TENM2: variants seen among roughly 807,000 people sequenced by gnomAD.
The protein encoded by TENM2 is teneurin-2.
TENM2 carries 52 observed loss-of-function variants against 245.2 expected under a neutral mutation model. The observed-to-expected ratio is 0.21, with a 90% CI of 0.17 to 0.27. The LOEUF (loss-of-function observed/expected upper bound fraction) is 0.27, where lower values mean the gene tolerates loss of function less well. TENM2 is among the 10% of genes least tolerant of loss of function. The probability of loss-of-function intolerance (pLI) is 1.00; values close to 1 mark genes in which losing one functional copy is unlikely to be tolerated. For missense variants in TENM2, 3,046 were observed against 3,666.8 expected, an observed-to-expected ratio of 0.83 and a Z score of 4.37; for synonymous variants, 1,363 against 1,438.9, an observed-to-expected ratio of 0.95 and a Z score of 1.19.
chr5:167,531,024 G>A (rs1771460675), intron 2 of TENM2, among the ~76,000 whole-genome samples: 1 of 152,106 alleles, frequency 6.6e-6, no homozygotes, highest in South Asian at 2.1e-4. Context: ...TGCCTAAAGA[G>A]GTTTCACTTA....
At chr5:168,090,493 A>G in intron 7 of TENM2, 81 bp from the exon 10 acceptor site, 4 of 1,303,674 alleles carry the variant, frequency 3.1e-6, no homozygotes, top group Non-Finnish European at 4.2e-6. Flanking sequence ...CCATTAACAA[A>G]TGGGTTCGGG....
At chr5:167,076,324 CATT>C in the TENM2 span, among the ~76,000 whole-genome samples, 1 of 152,050 alleles carries the variant, frequency 6.6e-6, no homozygotes. Flanking sequence ...GTCTGTTTCT[CATT>C]GTTTAAAATA....
At chr5:167,919,638 G>A (rs542811754) in intron 3 of TENM2, among the ~76,000 whole-genome samples, 16 of 152,342 alleles carry the variant, frequency 1.1e-4, no homozygotes, top group African/African-American at 2.6e-4. Context: ...TGAGAGCAGC[G>A]TTGATCTGAA....
the TENM2 span, among the ~76,000 whole-genome samples, chr5:167,265,926 G>A: frequency 6.6e-6 from 1 of 152,178 alleles, no homozygotes; most frequent in Admixed American, 6.5e-5. Flanking sequence ...CATTATGGAA[G>A]CCAAGTGGTC....
intron 1 of TENM2, among the ~76,000 whole-genome samples, chr5:167,368,472 C>T (rs77596093): frequency 0.034 from 5,188 of 152,114 alleles, 173 homozygotes; most frequent in African/African-American, 0.091. Context: ...TTCCTAAGGG[C>T]TTCTCATTAA....
At chr5:168,209,303 G>C (rs1237656509) in intron 19 of TENM2, among the ~76,000 whole-genome samples, 3 of 152,132 alleles carry the variant, frequency 2.0e-5, no homozygotes, top group Non-Finnish European at 2.9e-5. Context: ...TTGAAATGAT[G>C]CTCATTAACC....
At chr5:168,070,011 T>G (rs915799696) in intron 7 of TENM2, among the ~76,000 whole-genome samples, 1 of 152,156 alleles carries the variant, frequency 6.6e-6, no homozygotes, top group East Asian at 1.9e-4. Flanking sequence ...CCTGGGAAAT[T>G]TGATGAAGAT....
chr5:167,861,041 A>T (rs1771748244), intron 2 of TENM2, among the ~76,000 whole-genome samples: 2 of 27,982 alleles, frequency 7.1e-5, no homozygotes, highest in African/African-American at 1.6e-4. Context: ...ATTATCAATA[A>T]AAAAAAAAAT....
At chr5:167,472,421 T>A (rs143599910) in intron 2 of TENM2, among the ~76,000 whole-genome samples, 1 of 152,348 alleles carries the variant, frequency 6.6e-6, no homozygotes, top group East Asian at 1.9e-4. Context: ...GTTTTGACAG[T>A]GGCTAGAACA....
At chr5:167,418,068 G>A (rs141126352) in intron 2 of TENM2, among the ~76,000 whole-genome samples, 4 of 152,246 alleles carry the variant, frequency 2.6e-5, no homozygotes, top group East Asian at 3.9e-4. Flanking sequence ...GGTGGCTCAC[G>A]CCTGTAATCC....
At chr5:168,225,925 G>C (rs978853841) in intron 23 of TENM2, among the ~76,000 whole-genome samples, 163 bp from the exon 26 acceptor site, 1 of 152,028 alleles carries the variant, frequency 6.6e-6, no homozygotes, top group African/African-American at 2.4e-5. Flanking sequence ...CTGTTTCTCC[G>C]GGCATAATAG....
intron 27 of TENM2, among the ~76,000 whole-genome samples, chr5:168,255,023 G>A (rs1465967044): frequency 6.6e-6 from 1 of 151,624 alleles, no homozygotes; most frequent in East Asian, 1.9e-4. Context: ...CTCCAGCCTG[G>A]GTGACAGAGC....
chr5:167,038,996 A>G, the TENM2 span, among the ~76,000 whole-genome samples: 2 of 152,330 alleles, frequency 1.3e-5, no homozygotes, highest in East Asian at 1.9e-4. Context: ...AGGAACAGAT[A>G]TAGGGGCAAG....
chr5:167,830,132 T>C (rs1768339159), intron 2 of TENM2, among the ~76,000 whole-genome samples: 1 of 152,206 alleles, frequency 6.6e-6, no homozygotes, highest in South Asian at 2.1e-4. Flanking sequence ...ATACTTTCAA[T>C]TTAAGAATGT....
intron 2 of TENM2, among the ~76,000 whole-genome samples, chr5:167,586,290 G>A (rs986452433): frequency 2.0e-5 from 3 of 152,104 alleles, no homozygotes; most frequent in African/African-American, 7.2e-5. Flanking sequence ...CGCAAATACT[G>A]CACCAGTTTA....
At chr5:168,176,255 G>A (rs1046560612) in intron 13 of TENM2, among the ~76,000 whole-genome samples, 7 of 152,102 alleles carry the variant, frequency 4.6e-5, no homozygotes, top group Admixed American at 1.3e-4. Context: ...CTCATCTCCC[G>A]TAGCATGGCA....
At chr5:167,229,572 A>C in the TENM2 span, among the ~76,000 whole-genome samples, 1 of 152,310 alleles carries the variant, frequency 6.6e-6, no homozygotes, top group African/African-American at 2.4e-5. Context: ...GGCAGGTACA[A>C]GTGGGTGCCA....
intron 2 of TENM2, among the ~76,000 whole-genome samples, chr5:167,596,100 A>G (rs562652856): frequency 7.4e-4 from 113 of 152,262 alleles, no homozygotes; most frequent in African/African-American, 2.6e-3. Context: ...TCCTCTTCAT[A>G]TGATGGCAAG....
the TENM2 span, among the ~76,000 whole-genome samples, chr5:167,189,804 C>A: frequency 6.6e-6 from 1 of 152,034 alleles, no homozygotes; most frequent in African/African-American, 2.4e-5. Context: ...CTATTTGAGA[C>A]CATATTTCTT....
Sources: gnomAD v4.1 joint callset for allele counts (sites outside exome capture counted in the v4.1 genomes callset) on GRCh38, gnomAD v4.1.1 for gene constraint, MANE v1.5 for transcripts, NCBI Gene and HGNC (gene_info 2026-07-23, HGNC 2026-07-21) for gene names.